The following TMTC1 variants were observed in gnomAD, a reference collection of about 807,000 sequenced individuals.
The protein encoded by TMTC1 is transmembrane O-mannosyltransferase targeting cadherins 1.
Under a neutral mutation model 104.8 loss-of-function variants are expected in TMTC1, and 73 were observed. The observed-to-expected ratio is 0.70, with a 90% CI of 0.58 to 0.85. The LOEUF (loss-of-function observed/expected upper bound fraction) is 0.85, where lower values mean the gene tolerates loss of function less well. Ranked by LOEUF, TMTC1 falls within the 40% of genes least tolerant of loss-of-function variation. TMTC1 has a pLI of 0.00. For synonymous variants in TMTC1, 434 were observed against 428.7 expected, an observed-to-expected ratio of 1.01 and a Z score of -0.15; for missense variants, 1,035 against 1,096.1, an observed-to-expected ratio of 0.94 and a Z score of 0.79.
chr12:29,752,016 T>C, intron 4 of TMTC1, 144 bp from the exon 5 acceptor site: 2 of 744,134 alleles, frequency 2.7e-6, no homozygotes, highest in Non-Finnish European at 4.3e-6. Flanking sequence ...GTTTCTGATA[T>C]TTACTGCCAT....
chr12:29,521,609 C>T (rs1476665746), intron 11 of TMTC1, among the ~76,000 whole-genome samples: 1 of 138,106 alleles, frequency 7.2e-6, no homozygotes, highest in Non-Finnish European at 1.5e-5. Context: ...ACTTTGTCGC[C>T]TTGGCTGGAG....
intron 5 of TMTC1, among the ~76,000 whole-genome samples, chr12:29,635,845 T>C (rs1938523692): frequency 6.6e-6 from 1 of 152,112 alleles, no homozygotes; most frequent in Admixed American, 6.5e-5. Flanking sequence ...ACGTTGTAAT[T>C]ATGGGAAGAG....
chr12:29,705,376 G>T (rs766863022), intron 5 of TMTC1, among the ~76,000 whole-genome samples: 3 of 152,208 alleles, frequency 2.0e-5, no homozygotes, highest in Non-Finnish European at 2.9e-5. Flanking sequence ...GCAGATACAG[G>T]AAAAGCTCTG....
At chr12:29,626,957 C>G (rs1938027948) in intron 6 of TMTC1, among the ~76,000 whole-genome samples, 1 of 152,000 alleles carries the variant, frequency 6.6e-6, no homozygotes. Context: ...AAAAAATTAG[C>G]TGGGCGTGGT....
At chr12:29,569,838 T>C (rs1945617980) in intron 9 of TMTC1, among the ~76,000 whole-genome samples, 1 of 152,238 alleles carries the variant, frequency 6.6e-6, no homozygotes, top group Admixed American at 6.5e-5. Context: ...ATAGCTTTAA[T>C]TGTTTTTCCC....
At chr12:29,752,023 C>T in intron 4 of TMTC1, 151 bp from the exon 5 acceptor site, 1 of 728,556 alleles carries the variant, frequency 1.4e-6, no homozygotes, top group East Asian at 2.7e-5. Context: ...ATATTTACTG[C>T]CATATTATTA....
At chr12:29,524,983 G>A (rs958969606) in intron 11 of TMTC1, among the ~76,000 whole-genome samples, 1 of 152,014 alleles carries the variant, frequency 6.6e-6, no homozygotes, top group South Asian at 2.1e-4. Flanking sequence ...TGGGAAAGCT[G>A]TCCATGTCTA....
At chr12:29,672,276 T>A (rs957206410) in intron 5 of TMTC1, among the ~76,000 whole-genome samples, 1 of 152,174 alleles carries the variant, frequency 6.6e-6, no homozygotes, top group Non-Finnish European at 1.5e-5. Context: ...GAAGAAAATG[T>A]TTCCACAGCC....
chr12:29,783,228 A>G lies in TMTC1; in HGVS notation c.302+222T>C, dbSNP rs1490854542. ...CAGACAGTTGAGAAACTCGATCCCA[A>G]CTCCCCAGCCGGCGCCTCCCGAACC... On this transcript the variant is annotated intron_variant, in intron 1 of 17. Coordinates refer to ENST00000539277, the MANE Select transcript of TMTC1 (RefSeq NM_001193451.2). The surrounding 1 kb of genome is among the most constrained non-coding windows in gnomAD (Gnocchi z 4.7). Among the ~76,000 whole-genome samples the G allele has an allele frequency of 6.6e-6, 1 of 151,740 alleles. No individual in the cohort carries two copies. Among genetic ancestry groups the G allele is most frequent in the African/African-American group, 2.4e-5 (1 of 41,268 alleles).
At chr12:29,693,603 T>C (rs999281621) in intron 5 of TMTC1, among the ~76,000 whole-genome samples, 37 of 151,896 alleles carry the variant, frequency 2.4e-4, no homozygotes, top group African/African-American at 7.7e-4. Flanking sequence ...TTAGCTTCTA[T>C]AAATTTATTT....
intron 5 of TMTC1, among the ~76,000 whole-genome samples, chr12:29,644,278 C>T (rs775235712): frequency 1.8e-4 from 27 of 150,754 alleles, no homozygotes; most frequent in Non-Finnish European, 2.8e-4. Context: ...AACCAAACAT[C>T]GTATGTTCTC....
intron 8 of TMTC1, among the ~76,000 whole-genome samples, chr12:29,581,351 T>C (rs1342735764): frequency 2.0e-5 from 3 of 152,204 alleles, no homozygotes; most frequent in Non-Finnish European, 4.4e-5. Flanking sequence ...TAAATGATAA[T>C]AGGCAAAGAT....
chr12:29,581,374 T>G (rs1373267281), intron 8 of TMTC1, among the ~76,000 whole-genome samples: 1 of 152,194 alleles, frequency 6.6e-6, no homozygotes, highest in African/African-American at 2.4e-5. Context: ...CTAGAAAATA[T>G]CAATAGCTTT....
chr12:29,582,027 T>C (rs773268222), intron 8 of TMTC1, among the ~76,000 whole-genome samples: 19 of 152,178 alleles, frequency 1.2e-4, no homozygotes, highest in Middle Eastern at 3.2e-3. Flanking sequence ...TTGAGCTCCC[T>C]ACAGTACCCG....
intron 9 of TMTC1, among the ~76,000 whole-genome samples, chr12:29,562,986 C>G (rs1027908124): frequency 1.3e-5 from 2 of 152,138 alleles, no homozygotes; most frequent in African/African-American, 4.8e-5. Context: ...AACTTGCTCC[C>G]ATCAGTCAAA....
chr12:29,528,414 G>A (rs1944408108), intron 11 of TMTC1, among the ~76,000 whole-genome samples: 1 of 152,106 alleles, frequency 6.6e-6, no homozygotes, highest in Admixed American at 6.6e-5. Flanking sequence ...GTTAAAAATG[G>A]GCAGCATGCA....
intron 5 of TMTC1, among the ~76,000 whole-genome samples, chr12:29,663,001 T>C (rs1220869771): frequency 6.6e-6 from 1 of 152,234 alleles, no homozygotes; most frequent in East Asian, 1.9e-4. Context: ...ACACCAGGGA[T>C]ACTGTCAGCT....
At chr12:29,702,908 G>C (rs1941638022) in intron 5 of TMTC1, among the ~76,000 whole-genome samples, 1 of 152,156 alleles carries the variant, frequency 6.6e-6, no homozygotes, top group Non-Finnish European at 1.5e-5. Flanking sequence ...ACTTTGGGAG[G>C]CCGAGGCAGG....
intron 5 of TMTC1, among the ~76,000 whole-genome samples, chr12:29,677,271 T>C (rs1411443679): frequency 6.6e-6 from 1 of 152,214 alleles, no homozygotes; most frequent in Non-Finnish European, 1.5e-5. Context: ...GTTTAGTACC[T>C]TGTGATTTTT....
Sources: allele counts gnomAD v4.1 joint callset (sites outside exome capture counted in the v4.1 genomes callset), GRCh38; gene constraint gnomAD v4.1.1; non-coding constraint Gnocchi (gnomAD v3.1); transcripts MANE v1.5; gene names NCBI Gene and HGNC (gene_info 2026-07-23, HGNC 2026-07-21).